The following PRKAR2A variants were observed in gnomAD, a reference collection of about 807,000 sequenced individuals.
PRKAR2A encodes cAMP-dependent protein kinase type II-alpha regulatory subunit.
In PRKAR2A, 29 loss-of-function variants were observed where a neutral mutation model predicts 51.9. The ratio of observed to expected loss-of-function variants is 0.56; its 90% CI spans 0.42 to 0.76. The LOEUF is 0.76. Among genes scored for constraint, PRKAR2A ranks in the 30% least tolerant of loss-of-function variants. PRKAR2A has a pLI of 0.00. For synonymous variants in PRKAR2A, 178 were observed against 186.2 expected, an observed-to-expected ratio of 0.96 and a Z score of 0.36; for missense variants, 445 against 512.1, an observed-to-expected ratio of 0.87 and a Z score of 1.26.
chr3:48,811,034 T>C (rs560983779), intron 1 of PRKAR2A, among the ~76,000 whole-genome samples: 5 of 151,956 alleles, frequency 3.3e-5, no homozygotes, highest in African/African-American at 1.2e-4. Flanking sequence ...TAAAAATTAG[T>C]CAGGCGAGGT....
intron 1 of PRKAR2A, among the ~76,000 whole-genome samples, chr3:48,821,070 T>C (rs2082951567): frequency 6.6e-6 from 1 of 152,164 alleles, no homozygotes; most frequent in South Asian, 2.1e-4. Context: ...ACACAGACTG[T>C]AACAGTAGGA....
At chr3:48,833,320 G>A (rs891510562) in intron 1 of PRKAR2A, among the ~76,000 whole-genome samples, 5 of 152,048 alleles carry the variant, frequency 3.3e-5, no homozygotes, top group Non-Finnish European at 2.9e-5. Context: ...AATTATAGGC[G>A]TGAGCCACTG....
chr3:48,757,686 G>C (rs2081793497), intron 8 of PRKAR2A, among the ~76,000 whole-genome samples: 2 of 152,178 alleles, frequency 1.3e-5, no homozygotes. Context: ...ACTTTGGGAG[G>C]CTGAGGGGGG....
At chr3:48,774,421 T>C (rs563882340) in intron 5 of PRKAR2A, among the ~76,000 whole-genome samples, 104 of 152,148 alleles carry the variant, frequency 6.8e-4, no homozygotes, top group Non-Finnish European at 1.4e-3. Context: ...CTCAGCACTT[T>C]AGGAAGCTAA....
chr3:48,832,943 A>T (rs1304428250), intron 1 of PRKAR2A, among the ~76,000 whole-genome samples: 1 of 152,174 alleles, frequency 6.6e-6, no homozygotes, highest in Non-Finnish European at 1.5e-5. Context: ...GATTGTGCAA[A>T]TACATCCAAT....
chr3:48,794,999 C>T (rs1308312030), intron 2 of PRKAR2A, among the ~76,000 whole-genome samples: 7 of 146,596 alleles, frequency 4.8e-5, no homozygotes, highest in South Asian at 4.3e-4. Context: ...TTTTTTGAGA[C>T]GGAGTCTCGC....
chr3:48,802,752 C>T (rs1018504474), intron 2 of PRKAR2A, among the ~76,000 whole-genome samples: 3 of 152,096 alleles, frequency 2.0e-5, no homozygotes, highest in Non-Finnish European at 2.9e-5. Context: ...AGCTACTTCA[C>T]GCGGTTTTGT....
intron 1 of PRKAR2A, among the ~76,000 whole-genome samples, chr3:48,824,381 C>T (rs1240253117): frequency 1.3e-5 from 2 of 150,802 alleles, no homozygotes; most frequent in Non-Finnish European, 3.0e-5. Context: ...GGTAACAGAG[C>T]GAGACTCTGT....
In PRKAR2A at chr3:48,843,557, G is replaced by A. The variant is rs867560235; in HGVS notation, c.262+3778C>T. On this transcript the variant is annotated intron_variant, in intron 1 of 10. Transcript: ENST00000265563. ...ATCCTAAGCCAAAAGAACAAAGCTG[G>A]AGGCATCATGCTACCTGACTTCAAA... Among the ~76,000 whole-genome samples the A allele has an allele frequency of 4.0e-4, 61 of 152,236 alleles. No homozygotes were observed. The South Asian group carries it at 9.7e-3, about 24-fold the overall frequency.
At chr3:48,813,903 C>T (rs2082825030) in intron 1 of PRKAR2A, among the ~76,000 whole-genome samples, 1 of 152,020 alleles carries the variant, frequency 6.6e-6, no homozygotes. Flanking sequence ...GCGGGTGGAT[C>T]ACCTGAGGTC....
chr3:48,775,236 C>T (rs761447495), intron 5 of PRKAR2A, among the ~76,000 whole-genome samples: 1 of 151,734 alleles, frequency 6.6e-6, no homozygotes, highest in Non-Finnish European at 1.5e-5. Flanking sequence ...GTCAGGAGTT[C>T]GAGACTAGCC....
rs2082050438 is a variant in PRKAR2A, at chr3:48,772,999, C to T, written c.652G>A (p.Ala218Thr). 2 of 1,613,868 alleles carry T rather than the reference C, an allele frequency of 1.2e-6. No homozygotes were observed. The highest frequency in any genetic ancestry group is 1.7e-6 in the Non-Finnish European group (2 of 1,179,852). ...ELALMYNTPR[A>T]ATIVATSEGS... ...TCTGAGGTAGCAACAATGGTAGCAGCTCTCGGGGTGTTGTACATCAGAGCT... is the reference window on the plus strand; with the variant it reads ...TCTGAGGTAGCAACAATGGTAGCAGTTCTCGGGGTGTTGTACATCAGAGCT... The change falls in exon 6 of 11, where the codon GCT becomes ACT. Residue 218 changes from alanine to threonine, a missense_variant. By Grantham distance (58) the Ala-to-Thr change is moderately conservative. Coordinates refer to ENST00000265563, the MANE Select transcript of PRKAR2A (RefSeq NM_004157.4).
chr3:48,821,813 A>C (rs989472302), intron 1 of PRKAR2A, among the ~76,000 whole-genome samples: 5 of 151,526 alleles, frequency 3.3e-5, no homozygotes, highest in African/African-American at 1.2e-4. Flanking sequence ...CTACTAGGGG[A>C]CTGAGGCAGC....
chr3:48,766,125 A>G (rs2081937215), intron 6 of PRKAR2A, among the ~76,000 whole-genome samples: 1 of 149,342 alleles, frequency 6.7e-6, no homozygotes, highest in African/African-American at 2.5e-5. Context: ...GCTGAGGTGA[A>G]AGGCTCACCA....
At position 48,764,398 on chromosome 3, in the gene PRKAR2A, T is replaced by C. The variant is rs150935290; in HGVS notation, c.873+606A>G. 2.4e-3 allele frequency among the ~76,000 whole-genome samples: 367 copies of C among 152,318 alleles called. 1 individual carries two copies. The highest frequency in any genetic ancestry group is 0.02 in the Middle Eastern group (6 of 294). On this transcript the variant is annotated intron_variant, in intron 8 of 10. Coordinates refer to ENST00000265563, the MANE Select transcript of PRKAR2A (RefSeq NM_004157.4). Reference sequence around the variant, plus strand: ...TAGAAAGTTAGAGGACAGAACTCTTTAACCTTCCCCAGGTTCTAATAGCAA... The same window carrying C: ...TAGAAAGTTAGAGGACAGAACTCTTCAACCTTCCCCAGGTTCTAATAGCAA...
At chr3:48,840,141 T>C (rs2083353674) in intron 1 of PRKAR2A, among the ~76,000 whole-genome samples, 2 of 152,322 alleles carry the variant, frequency 1.3e-5, no homozygotes, top group South Asian at 4.1e-4. Context: ...TGTATCTGGC[T>C]CATTTCATTT....
chr3:48,846,925 A>G (rs2083472599), intron 1 of PRKAR2A, among the ~76,000 whole-genome samples: 1 of 152,264 alleles, frequency 6.6e-6, no homozygotes, highest in South Asian at 2.1e-4. Context: ...AAGTTTTCAC[A>G]GTAACTTTTC....
At chr3:48,814,178 G>A (rs1407828003) in intron 1 of PRKAR2A, among the ~76,000 whole-genome samples, 1 of 151,984 alleles carries the variant, frequency 6.6e-6, no homozygotes, top group African/African-American at 2.4e-5. Context: ...AACCCAGGAG[G>A]CACAGGTTGC....
At chr3:48,844,568 C>A (rs1358003187) in intron 1 of PRKAR2A, among the ~76,000 whole-genome samples, 1 of 150,752 alleles carries the variant, frequency 6.6e-6, no homozygotes, top group Non-Finnish European at 1.5e-5. Context: ...TTCACAATAG[C>A]AAAGACTTGG....
Sources: gnomAD v4.1 joint callset for allele counts (sites outside exome capture counted in the v4.1 genomes callset) on GRCh38, gnomAD v4.1.1 for gene constraint, MANE v1.5 for transcripts, NCBI Gene and HGNC (gene_info 2026-07-23, HGNC 2026-07-21) for gene names.